Variants in KCNB2 observed in about 807,000 individuals in gnomAD.
KCNB2 encodes delayed rectifier potassium channel protein.
In KCNB2, 15 loss-of-function variants were observed where a neutral mutation model predicts 61.5. The observed-to-expected ratio is 0.24, with a 90% confidence interval of 0.16 to 0.38. The LOEUF (loss-of-function observed/expected upper bound fraction) is 0.38. Among genes scored for constraint, KCNB2 ranks in the 10% least tolerant of loss-of-function variants. The pLI, the probability that KCNB2 is intolerant of heterozygous loss-of-function variation, is 1.00. For synonymous variants in KCNB2, 457 were observed against 446.0 expected (o/e 1.02, Z -0.31); for missense variants, 828 against 1,125.2 (o/e 0.74, Z 3.78).
In KCNB2 at chr8:72,676,010, A is replaced by G. The variant is rs553573260; in HGVS notation, c.579+107697A>G. Among the ~76,000 whole-genome samples the G allele has an allele frequency of 1.0e-3, 96 of 91,648 alleles. 1 individual carries two copies. In the South Asian group the frequency reaches 0.028, roughly 27 times the overall value. The allele number at this position is 91,648 out of a possible 152,430, so 60.1% of individuals were successfully genotyped here. On this transcript the variant is annotated intron_variant, in intron 2 of 2. Transcript: ENST00000523207. ...CTCAGAAAAGTGTAGTGTTGAAAAC[A>G]TTCACTTAAAGACAGGGATATTTTC...
At chr8:72,663,573 T>G (rs947851858) in intron 2 of KCNB2, among the ~76,000 whole-genome samples, 12 of 152,282 alleles carry the variant, frequency 7.9e-5, no homozygotes, top group African/African-American at 2.6e-4. Context: ...ACTTTCATCT[T>G]TATTATAATT....
chr8:72,557,846 T>G (rs963003309), intron 1 of KCNB2, among the ~76,000 whole-genome samples: 3 of 152,174 alleles, frequency 2.0e-5, no homozygotes, highest in Non-Finnish European at 4.4e-5. Context: ...TTTATATATG[T>G]ACAAGTTGTT....
chr8:72,886,610 A>G (rs1805810741), intron 2 of KCNB2, among the ~76,000 whole-genome samples: 1 of 152,190 alleles, frequency 6.6e-6, no homozygotes, highest in African/African-American at 2.4e-5. Flanking sequence ...TCCTTGGGGA[A>G]GAGAACAGAG....
At chr8:72,687,504 A>G (rs139858140) in intron 2 of KCNB2, among the ~76,000 whole-genome samples, 256 of 152,254 alleles carry the variant, frequency 1.7e-3, no homozygotes, top group African/African-American at 5.9e-3. Flanking sequence ...TGGGGTGGAC[A>G]TGTGGTTTTC....
intron 2 of KCNB2, among the ~76,000 whole-genome samples, chr8:72,691,705 TC>T (rs1222173773): frequency 8.5e-5 from 13 of 152,220 alleles, no homozygotes; most frequent in Non-Finnish European, 1.8e-4. Context: ...AGCTTCATTG[TC>T]ATGGTTCATC....
intron 2 of KCNB2, among the ~76,000 whole-genome samples, chr8:72,870,881 G>A (rs1029524963): frequency 2.6e-5 from 4 of 152,234 alleles, no homozygotes; most frequent in Non-Finnish European, 4.4e-5. Context: ...GGAGGCTGAG[G>A]TGAGAGGATC....
intron 2 of KCNB2, among the ~76,000 whole-genome samples, chr8:72,659,308 A>C (rs900155255): frequency 8.5e-5 from 13 of 152,306 alleles, no homozygotes; most frequent in African/African-American, 3.1e-4. Flanking sequence ...TTAGAATTGG[A>C]GGCTAAAGAT....
rs143104683 is a variant in KCNB2 at position 72,890,300 on chromosome 8, T to C, written c.580-45635T>C. Among the ~76,000 whole-genome samples the C allele has an allele frequency of 1.3e-3, 202 of 152,282 alleles. 1 individual carries two copies. The highest frequency in any genetic ancestry group is 2.5e-3 in the Non-Finnish European group (170 of 68,016). The stretch of plus-strand genomic sequence containing the variant: ...ACTGAAGGAGCTTTTCAAGTCTAGT[T>C]GAGGGTGGGGAGTGGCAGTACAAAG... On this transcript the variant is annotated intron_variant, in intron 2 of 2. Coordinates refer to ENST00000523207, the MANE Select transcript of KCNB2 (RefSeq NM_004770.3).
intron 2 of KCNB2, among the ~76,000 whole-genome samples, chr8:72,649,354 T>A (rs1322286470): frequency 6.6e-6 from 1 of 152,002 alleles, no homozygotes; most frequent in Non-Finnish European, 1.5e-5. Flanking sequence ...TTTGCAAAGG[T>A]GAGATTGGAA....
chr8:72,688,772 G>T (rs998367249), intron 2 of KCNB2, among the ~76,000 whole-genome samples: 2 of 151,938 alleles, frequency 1.3e-5, no homozygotes, highest in East Asian at 1.9e-4. Flanking sequence ...TGTTACCCAG[G>T]CTATAGTGTA....
At chr8:72,652,176 T>C (rs1177882414) in intron 2 of KCNB2, among the ~76,000 whole-genome samples, 1 of 152,124 alleles carries the variant, frequency 6.6e-6, no homozygotes, top group East Asian at 1.9e-4. Context: ...CAAAATCAAC[T>C]GCTAGAATAT....
intron 2 of KCNB2, among the ~76,000 whole-genome samples, chr8:72,733,505 C>T (rs930879073): frequency 1.3e-5 from 2 of 152,088 alleles, no homozygotes; most frequent in African/African-American, 2.4e-5. Flanking sequence ...TAAATATATG[C>T]CCTTGAATAT....
rs568437462 is a variant in KCNB2 at position 72,694,390 on chromosome 8, A to G, written c.579+126077A>G. ...ATACCAGAGTTTATATACCGTGTGC[A>G]TTTGTCCTGTTTATGTATTCCTGAA... On this transcript the variant is annotated intron_variant, in intron 2 of 2. Transcript: ENST00000523207. 3.8e-4 allele frequency among the ~76,000 whole-genome samples: 58 copies of G among 152,264 alleles called. 1 individual carries two copies. The South Asian group carries it at 0.012, about 32-fold the overall frequency.
chr8:72,760,694 G>A (rs1808364174), intron 2 of KCNB2, among the ~76,000 whole-genome samples: 1 of 152,136 alleles, frequency 6.6e-6, no homozygotes, highest in African/African-American at 2.4e-5. Flanking sequence ...GAGCTCACAG[G>A]CCTCAGTTAG....
At chr8:72,727,350 C>A (rs1402180235) in intron 2 of KCNB2, among the ~76,000 whole-genome samples, 1 of 152,178 alleles carries the variant, frequency 6.6e-6, no homozygotes, top group Non-Finnish European at 1.5e-5. Context: ...AGGGCCTCAT[C>A]TTCCCTTCGC....
chr8:72,672,309 AAG>A (rs2128988280), intron 2 of KCNB2, among the ~76,000 whole-genome samples: 1 of 152,312 alleles, frequency 6.6e-6, no homozygotes, highest in South Asian at 2.1e-4. Context: ...AGAAACGTAA[AAG>A]AGATAATACT....
At chr8:72,621,787 G>T (rs1187511220) in intron 2 of KCNB2, among the ~76,000 whole-genome samples, 2 of 152,106 alleles carry the variant, frequency 1.3e-5, no homozygotes, top group African/African-American at 4.8e-5. Context: ...GTAAAATAAG[G>T]ATCTAATGAA....
intron 2 of KCNB2, among the ~76,000 whole-genome samples, chr8:72,923,281 G>T (rs967776698): frequency 6.6e-6 from 1 of 152,092 alleles, no homozygotes; most frequent in Non-Finnish European, 1.5e-5. Flanking sequence ...AAGGGGGTTT[G>T]GGGGGAGACC....
chr8:72,774,995 T>A lies in KCNB2; in HGVS notation c.580-160940T>A, dbSNP rs74775086. On this transcript the variant is annotated intron_variant, in intron 2 of 2. Coordinates refer to ENST00000523207, the MANE Select transcript of KCNB2 (RefSeq NM_004770.3). ...GCCAGGTAAGAAGCATTTAAGCAGC[T>A]GAGATCAGGATGTGAGAGAGGTGTC... Among the ~76,000 whole-genome samples, 1,376 of 152,270 alleles carry A rather than the reference T, an allele frequency of 9.0e-3. 19 individuals are homozygous for A. Among genetic ancestry groups the A allele is most frequent in the African/African-American group, 0.031 (1,292 of 41,552 alleles).
Sources: gnomAD v4.1 joint callset for allele counts (sites outside exome capture counted in the v4.1 genomes callset) on GRCh38, gnomAD v4.1.1 for gene constraint, MANE v1.5 for transcripts, NCBI Gene and HGNC (gene_info 2026-07-23, HGNC 2026-07-21) for gene names.